FAM171A1: variants seen among roughly 807,000 people sequenced by gnomAD.
The protein encoded by FAM171A1 is family with sequence similarity 171 member A1, also known as protein FAM171A1.
Under a neutral mutation model 74.9 loss-of-function variants are expected in FAM171A1, and 23 were observed. The ratio of observed to expected loss-of-function variants is 0.31; its 90% CI spans 0.22 to 0.44. FAM171A1 has a LOEUF of 0.44. Ranked by LOEUF, FAM171A1 falls within the 20% of genes least tolerant of loss-of-function variation. The pLI, the probability that FAM171A1 is intolerant of heterozygous loss-of-function variation, is 1.00. For synonymous variants in FAM171A1, 527 were observed against 505.7 expected (o/e 1.04, Z -0.57); for missense variants, 1,162 against 1,159.2 (o/e 1.00, Z -0.03).
chr10:15,286,952 C>T (rs1835042076), intron 1 of FAM171A1, among the ~76,000 whole-genome samples: 1 of 146,766 alleles, frequency 6.8e-6, no homozygotes, highest in South Asian at 2.2e-4. Flanking sequence ...CTACTTCATA[C>T]TATAGGAGAA....
intron 1 of FAM171A1, among the ~76,000 whole-genome samples, chr10:15,335,579 T>A (rs1015773325): frequency 1.3e-5 from 2 of 152,170 alleles, no homozygotes; most frequent in South Asian, 2.1e-4. Context: ...ATGAAACATT[T>A]TACAAATAGT....
At chr10:15,362,829 A>G (rs1836011387) in intron 1 of FAM171A1, among the ~76,000 whole-genome samples, 1 of 152,264 alleles carries the variant, frequency 6.6e-6, no homozygotes, top group Non-Finnish European at 1.5e-5. Context: ...CTCATGCCTA[A>G]TTACATAAAA....
chr10:15,221,817 G>C (rs539638788), intron 5 of FAM171A1, among the ~76,000 whole-genome samples: 73 of 149,366 alleles, frequency 4.9e-4, no homozygotes, highest in African/African-American at 1.6e-3. Context: ...AGCAGAGTGG[G>C]AATAGAACCT....
chr10:15,287,668 G>A (rs1420213968), intron 1 of FAM171A1, among the ~76,000 whole-genome samples: 1 of 152,174 alleles, frequency 6.6e-6, no homozygotes, highest in African/African-American at 2.4e-5. Context: ...TTACAGGCGT[G>A]AGCCACCGTG....
At chr10:15,271,049 A>G (rs1191947207) in intron 3 of FAM171A1, among the ~76,000 whole-genome samples, 1 of 152,232 alleles carries the variant, frequency 6.6e-6, no homozygotes, top group Non-Finnish European at 1.5e-5. Context: ...GAGCTGACAG[A>G]AGAATGCTTC....
intron 3 of FAM171A1, among the ~76,000 whole-genome samples, chr10:15,262,038 C>A (rs548254196): frequency 4.6e-5 from 7 of 152,162 alleles, no homozygotes; most frequent in African/African-American, 1.7e-4. Context: ...TCATTTGAGC[C>A]TGGGAGTCTG....
intron 1 of FAM171A1, among the ~76,000 whole-genome samples, chr10:15,350,240 T>C (rs1835862020): frequency 6.6e-6 from 1 of 152,222 alleles, no homozygotes; most frequent in African/African-American, 2.4e-5. Context: ...GGCTGATGTC[T>C]TTACTCCCTT....
chr10:15,294,861 A>C (rs1328628892), intron 1 of FAM171A1, among the ~76,000 whole-genome samples: 1 of 152,134 alleles, frequency 6.6e-6, no homozygotes, highest in Non-Finnish European at 1.5e-5. Context: ...TATTTGACAA[A>C]ACTGCCGACA....
intron 5 of FAM171A1, among the ~76,000 whole-genome samples, chr10:15,245,089 G>T (rs551203131): frequency 6.6e-6 from 1 of 151,108 alleles, no homozygotes; most frequent in Non-Finnish European, 1.5e-5. Context: ...TTTTTGAGAC[G>T]GTGTCTCACT....
chr10:15,214,062 G>A lies in FAM171A1; in HGVS notation c.1526C>T (p.Thr509Met), dbSNP rs763843129. The A allele has an allele frequency of 7.4e-6, 12 of 1,614,190 alleles. No individual in the cohort carries two copies. The highest frequency in any genetic ancestry group is 3.3e-5 in the South Asian group (3 of 91,080). Reference sequence around the variant, plus strand: ...TTCCTGAATGGTGAGTTTGCTTCCCGTGGAGGCTGGACCTTCTCTGTCCTG... The same window carrying A: ...TTCCTGAATGGTGAGTTTGCTTCCCATGGAGGCTGGACCTTCTCTGTCCTG... Reference protein sequence around the residue: ...EKQDREGPASTGSKLTIQEHL... With the variant: ...EKQDREGPASMGSKLTIQEHL... Residue 509 changes from threonine to methionine, a missense_variant, in exon 8 of 8, where the codon ACG (threonine) becomes ATG (methionine). Coordinates refer to ENST00000378116, the MANE Select transcript of FAM171A1 (RefSeq NM_001010924.2).
intron 1 of FAM171A1, among the ~76,000 whole-genome samples, chr10:15,340,982 C>A (rs7900826): frequency 0.54 from 81,710 of 151,996 alleles, 22,556 homozygotes; most frequent in Non-Finnish European, 0.61. Context: ...AGGCCCCTCC[C>A]AGAATAGTCT....
intron 5 of FAM171A1, among the ~76,000 whole-genome samples, chr10:15,239,113 G>C (rs1261739051): frequency 6.6e-6 from 1 of 152,068 alleles, no homozygotes; most frequent in Admixed American, 6.5e-5. Flanking sequence ...CCAGTTACAG[G>C]ATAAAGAAAG....
At chr10:15,221,119 G>C (rs995520951) in intron 5 of FAM171A1, 59 bp from the exon 6 acceptor site, 11 of 1,391,800 alleles carry the variant, frequency 7.9e-6, no homozygotes, top group South Asian at 2.4e-5. Flanking sequence ...TGTAAGGCTT[G>C]AGCATATTGT....
intron 5 of FAM171A1, among the ~76,000 whole-genome samples, chr10:15,221,983 T>C (rs1055722752): frequency 1.3e-5 from 2 of 152,188 alleles, no homozygotes; most frequent in Non-Finnish European, 2.9e-5. Flanking sequence ...GTTGGGCTAT[T>C]TCCCAGCCAA....
chr10:15,357,200 G>A (rs1214271369), intron 1 of FAM171A1, among the ~76,000 whole-genome samples: 6 of 151,886 alleles, frequency 4.0e-5, no homozygotes, highest in Non-Finnish European at 7.4e-5. Flanking sequence ...GGAGAATGGC[G>A]TGAACCCGGG....
chr10:15,284,507 C>T (rs1325958027), intron 1 of FAM171A1, among the ~76,000 whole-genome samples: 3 of 152,118 alleles, frequency 2.0e-5, no homozygotes, highest in Admixed American at 2.0e-4. Context: ...ACTGCAGTCT[C>T]GATCTCCTGG....
In FAM171A1 at chr10:15,214,563, A is replaced by C. The variant is rs1169040135; in HGVS notation, c.1025T>G (p.Leu342Arg). ...CLKPRQHHRK[L>R]QLPAGLESSK... ...ACTCTCCAGTCCTGCAGGGAGCTGC[A>C]GTTTTCTGTGGTGCTGACGAGGTTT... Residue 342 changes from leucine (L) to arginine (R), a missense_variant, in exon 8 of 8, where the codon CTG becomes CGG. Coordinates refer to ENST00000378116, the MANE Select transcript of FAM171A1 (RefSeq NM_001010924.2). 1 of 1,612,380 alleles carries C rather than the reference A, an allele frequency of 6.2e-7. No individual in the cohort carries two copies. The highest frequency in any genetic ancestry group is 1.3e-5 in the African/African-American group (1 of 75,004).
chr10:15,258,074 T>C (rs1303479446), intron 3 of FAM171A1, among the ~76,000 whole-genome samples: 1 of 152,180 alleles, frequency 6.6e-6, no homozygotes, highest in Non-Finnish European at 1.5e-5. Flanking sequence ...TTTTCTTTTT[T>C]TTCTCAGAGA....
At chr10:15,215,501 G>A (rs902151535) in intron 7 of FAM171A1, among the ~76,000 whole-genome samples, 16 of 152,096 alleles carry the variant, frequency 1.1e-4, no homozygotes, top group Admixed American at 2.0e-4. Context: ...AAGTAGCTGG[G>A]ATTATAGGCG....
Sources: allele counts gnomAD v4.1 joint callset (sites outside exome capture counted in the v4.1 genomes callset), GRCh38; gene constraint gnomAD v4.1.1; transcripts MANE v1.5; gene names NCBI Gene and HGNC (gene_info 2026-07-23, HGNC 2026-07-21).